DPP10: variants seen among roughly 807,000 people sequenced by gnomAD.
The protein encoded by DPP10 is dipeptidyl peptidase like 10, also known as inactive dipeptidyl peptidase 10.
In DPP10, 33 loss-of-function variants were observed where a neutral mutation model predicts 120.9. The ratio of observed to expected loss-of-function variants is 0.27; its 90% CI spans 0.21 to 0.37. The LOEUF (loss-of-function observed/expected upper bound fraction) is 0.37, where lower values mean the gene tolerates loss of function less well. DPP10 is among the 10% of genes least tolerant of loss of function. The probability of loss-of-function intolerance (pLI) is 1.00; values close to 1 mark genes in which losing one functional copy is unlikely to be tolerated. For missense variants in DPP10, 816 were observed against 942.8 expected, an observed-to-expected ratio of 0.87 and a Z score of 1.76; for synonymous variants, 337 against 326.1, an observed-to-expected ratio of 1.03 and a Z score of -0.36.
intron 1 of DPP10, among the ~76,000 whole-genome samples, chr2:114,800,576 G>A (rs534323535): frequency 6.6e-6 from 1 of 152,220 alleles, no homozygotes; most frequent in East Asian, 1.9e-4. Flanking sequence ...GTCCTAGACT[G>A]GATGTATTAT....
intron 1 of DPP10, among the ~76,000 whole-genome samples, chr2:114,675,651 C>T (rs1698620428): frequency 6.6e-6 from 1 of 152,098 alleles, no homozygotes; most frequent in Non-Finnish European, 1.5e-5. Context: ...ATTAGAATTG[C>T]CTTGGAAGCT....
chr2:114,650,422 C>A (rs1320478977), intron 1 of DPP10, among the ~76,000 whole-genome samples: 1 of 152,072 alleles, frequency 6.6e-6, no homozygotes, highest in Non-Finnish European at 1.5e-5. Flanking sequence ...GGTAGTGCTC[C>A]AAAAAGTGAT....
At chr2:115,289,735 A>G (rs2060577359) in intron 1 of DPP10, among the ~76,000 whole-genome samples, 2 of 152,122 alleles carry the variant, frequency 1.3e-5, no homozygotes, top group Admixed American at 1.3e-4. Flanking sequence ...GCAGACAAAA[A>G]TATCCACTGG....
At chr2:115,794,230 G>A (rs974341248) in intron 19 of DPP10, among the ~76,000 whole-genome samples, 2 of 152,144 alleles carry the variant, frequency 1.3e-5, no homozygotes, top group Non-Finnish European at 2.9e-5. Context: ...CAGAATATGA[G>A]CCATTTCTTG....
chr2:114,443,414 C>T (rs945741149), intron 1 of DPP10, among the ~76,000 whole-genome samples: 34 of 152,144 alleles, frequency 2.2e-4, no homozygotes, highest in African/African-American at 7.7e-4. Context: ...ATTGGAGACA[C>T]TCTTCAATGC....
chr2:114,662,186 C>T (rs181287073), intron 1 of DPP10, among the ~76,000 whole-genome samples: 5 of 152,168 alleles, frequency 3.3e-5, no homozygotes, highest in Non-Finnish European at 7.4e-5. Flanking sequence ...ATGGAGGCTC[C>T]GAGGGGGAGC....
At chr2:115,254,466 C>T (rs2058890060) in intron 1 of DPP10, among the ~76,000 whole-genome samples, 1 of 152,168 alleles carries the variant, frequency 6.6e-6, no homozygotes, top group South Asian at 2.1e-4. Flanking sequence ...TATTCCACCC[C>T]TGGACCCTCC....
intron 1 of DPP10, among the ~76,000 whole-genome samples, chr2:114,472,651 A>T (rs1680020614): frequency 6.6e-6 from 1 of 152,216 alleles, no homozygotes; most frequent in South Asian, 2.1e-4. Context: ...AAGAGTTGGT[A>T]AAGAGGTTGT....
At chr2:115,259,575 C>T (rs2059158809) in intron 1 of DPP10, among the ~76,000 whole-genome samples, 1 of 151,852 alleles carries the variant, frequency 6.6e-6, no homozygotes, top group African/African-American at 2.4e-5. Flanking sequence ...CCAGAATGAC[C>T]CTAGAAAACC....
chr2:115,570,000 C>T (rs1487603269), intron 5 of DPP10, among the ~76,000 whole-genome samples: 2 of 152,262 alleles, frequency 1.3e-5, no homozygotes, highest in East Asian at 1.9e-4. Context: ...ATCAAGTTTA[C>T]TGTGATTGAA....
intron 3 of DPP10, among the ~76,000 whole-genome samples, chr2:115,484,059 C>G (rs556480673): frequency 2.0e-5 from 3 of 151,396 alleles, no homozygotes; most frequent in East Asian, 2.0e-4. Flanking sequence ...CCCAGACAAA[C>G]AGCAAACTCT....
intron 10 of DPP10, among the ~76,000 whole-genome samples, chr2:115,749,768 T>C (rs772241718): frequency 9.2e-5 from 14 of 152,268 alleles, no homozygotes; most frequent in Admixed American, 3.3e-4. Flanking sequence ...TCAAAGTAAC[T>C]ACACCGCACA....
intron 1 of DPP10, among the ~76,000 whole-genome samples, chr2:114,931,250 A>G (rs565604266): frequency 6.6e-6 from 1 of 152,252 alleles, no homozygotes; most frequent in South Asian, 2.1e-4. Context: ...TGGGAAATTT[A>G]TAAGGAAAGG....
chr2:115,556,395 C>T (rs997589903), intron 5 of DPP10, among the ~76,000 whole-genome samples: 3 of 116,722 alleles, frequency 2.6e-5, no homozygotes, highest in Admixed American at 2.2e-4. Flanking sequence ...CATCAGCTAT[C>T]GTTAGTGTTA....
intron 3 of DPP10, among the ~76,000 whole-genome samples, chr2:115,359,728 C>T (rs1208910824): frequency 6.6e-6 from 1 of 152,036 alleles, no homozygotes; most frequent in African/African-American, 2.4e-5. Flanking sequence ...TGCTTACTCT[C>T]TTTCTCTCAC....
intron 19 of DPP10, 137 bp downstream of exon 19, chr2:115,791,493 A>G (rs1305891685): frequency 4.0e-6 from 3 of 753,950 alleles, no homozygotes; most frequent in Non-Finnish European, 6.2e-6. Flanking sequence ...TGTTGTCTAA[A>G]TTCCTCTAGA....
chr2:115,725,720 T>C (rs1463924891), intron 7 of DPP10, among the ~76,000 whole-genome samples: 2 of 152,192 alleles, frequency 1.3e-5, no homozygotes, highest in Non-Finnish European at 2.9e-5. Context: ...GAGCAATATG[T>C]GCTGAGTAGT....
chr2:115,433,176 C>T (rs894958293), intron 3 of DPP10, among the ~76,000 whole-genome samples: 4 of 151,928 alleles, frequency 2.6e-5, no homozygotes, highest in Non-Finnish European at 5.9e-5. Context: ...TTCCCTTTCT[C>T]GTAATGTAAC....
intron 5 of DPP10, among the ~76,000 whole-genome samples, chr2:115,664,673 C>G (rs1365102690): frequency 6.6e-6 from 1 of 152,148 alleles, no homozygotes; most frequent in Non-Finnish European, 1.5e-5. Context: ...CTCACCACCT[C>G]CTGTGCTTAT....
Sources: allele counts gnomAD v4.1 joint callset (sites outside exome capture counted in the v4.1 genomes callset), GRCh38; gene constraint gnomAD v4.1.1; transcripts MANE v1.5; gene names NCBI Gene and HGNC (gene_info 2026-07-23, HGNC 2026-07-21).